FOXN2: variants seen among roughly 807,000 people sequenced by gnomAD.
FOXN2 encodes the protein forkhead box protein N2.
In FOXN2, 19 loss-of-function variants were observed where a neutral mutation model predicts 41.2. The observed-to-expected ratio is 0.46, with a 90% confidence interval of 0.32 to 0.68. The LOEUF is 0.68. FOXN2 is among the 30% of genes least tolerant of loss of function. FOXN2 has a pLI of 0.03. For missense variants in FOXN2, 587 were observed against 509.4 expected, an observed-to-expected ratio of 1.15 and a Z score of -1.47; for synonymous variants, 195 against 176.8, an observed-to-expected ratio of 1.10 and a Z score of -0.82.
intron 2 of FOXN2, among the ~76,000 whole-genome samples, chr2:48,338,180 T>TA (rs948095262): frequency 6.6e-6 from 1 of 152,170 alleles, no homozygotes; most frequent in Non-Finnish European, 1.5e-5. Context: ...ACATGGAAAC[T>TA]AAAAAAAGTT....
intron 2 of FOXN2, 129 bp downstream of exon 2, chr2:48,328,831 G>A (rs780583949): frequency 6.6e-6 from 1 of 151,938 alleles, no homozygotes; most frequent in African/African-American, 2.4e-5. Flanking sequence ...TAAGTAGATG[G>A]GTTTTCTAAG....
At chr2:48,326,151 T>C (rs1462989540) in intron 1 of FOXN2, among the ~76,000 whole-genome samples, 1 of 152,150 alleles carries the variant, frequency 6.6e-6, no homozygotes, top group Admixed American at 6.5e-5. Context: ...TGCCCGGCCT[T>C]CTTCTCCCAA....
chr2:48,332,070 A>C (rs897091481), intron 2 of FOXN2, among the ~76,000 whole-genome samples: 4 of 152,302 alleles, frequency 2.6e-5, no homozygotes, highest in Non-Finnish European at 2.9e-5. Flanking sequence ...AGAATAGTAC[A>C]TTCTAAATTA....
At chr2:48,326,277 T>C (rs1669668318) in intron 1 of FOXN2, among the ~76,000 whole-genome samples, 1 of 152,162 alleles carries the variant, frequency 6.6e-6, no homozygotes, top group Non-Finnish European at 1.5e-5. Context: ...GGAGAAAGCA[T>C]GGTCTATTCA....
intron 3 of FOXN2, among the ~76,000 whole-genome samples, chr2:48,358,091 T>C (rs1256930763): frequency 1.3e-5 from 2 of 152,086 alleles, no homozygotes; most frequent in African/African-American, 4.8e-5. Context: ...AAGGTTTTAT[T>C]CTCTCCTAAA....
chr2:48,328,016 A>T (rs143149205), intron 1 of FOXN2, among the ~76,000 whole-genome samples: 3 of 152,196 alleles, frequency 2.0e-5, no homozygotes, highest in Admixed American at 2.0e-4. Context: ...ATTTCTGATC[A>T]TGAATATACT....
At chr2:48,360,109 C>T (rs180866652) in intron 4 of FOXN2, among the ~76,000 whole-genome samples, 1 of 152,082 alleles carries the variant, frequency 6.6e-6, no homozygotes, top group African/African-American at 2.4e-5. Flanking sequence ...TTTTCAATCC[C>T]AGTAACCCCT....
At chr2:48,321,116 T>C (rs1390923368) in intron 1 of FOXN2, among the ~76,000 whole-genome samples, 1 of 152,194 alleles carries the variant, frequency 6.6e-6, no homozygotes, top group African/African-American at 2.4e-5. Context: ...TCACTACATG[T>C]TATGGTCTGT....
At chr2:48,373,469 T>C (rs1673040178) in intron 6 of FOXN2, 109 bp downstream of exon 6, 1 of 653,958 alleles carries the variant, frequency 1.5e-6, no homozygotes. Context: ...AACCAAATTG[T>C]ATTTTGATCT....
intron 6 of FOXN2, among the ~76,000 whole-genome samples, chr2:48,374,223 G>C (rs929456964): frequency 1.3e-5 from 2 of 152,078 alleles, no homozygotes; most frequent in Non-Finnish European, 2.9e-5. Context: ...CAGTTCAACC[G>C]GAAAGTCAGC....
chr2:48,362,969 T>C (rs1362623329), intron 5 of FOXN2, among the ~76,000 whole-genome samples: 1 of 152,208 alleles, frequency 6.6e-6, no homozygotes, highest in Non-Finnish European at 1.5e-5. Context: ...TACTTGATAA[T>C]GGTAATAAAC....
intron 2 of FOXN2, among the ~76,000 whole-genome samples, chr2:48,342,983 C>G (rs1670872176): frequency 6.6e-6 from 1 of 152,172 alleles, no homozygotes; most frequent in Non-Finnish European, 1.5e-5. Flanking sequence ...AACATACTTG[C>G]AACCATTTAA....
chr2:48,324,078 A>G (rs980592238), intron 1 of FOXN2, among the ~76,000 whole-genome samples: 1 of 152,210 alleles, frequency 6.6e-6, no homozygotes, highest in Admixed American at 6.5e-5. Context: ...GTCATATGTC[A>G]TCAACTATCT....
At chr2:48,341,358 TAG>T (rs1031599966) in intron 2 of FOXN2, among the ~76,000 whole-genome samples, 1 of 152,162 alleles carries the variant, frequency 6.6e-6, no homozygotes, top group African/African-American at 2.4e-5. Context: ...GATCTTTTTG[TAG>T]TAATATTGCA....
At chr2:48,327,239 CA>C (rs2104174820) in intron 1 of FOXN2, among the ~76,000 whole-genome samples, 2 of 150,232 alleles carry the variant, frequency 1.3e-5, no homozygotes, top group East Asian at 3.9e-4. Context: ...AGAAAAAAAA[CA>C]GTCATTTTCT....
At chr2:48,370,246 C>T (rs1041719595) in intron 5 of FOXN2, among the ~76,000 whole-genome samples, 1 of 152,112 alleles carries the variant, frequency 6.6e-6, no homozygotes, top group African/African-American at 2.4e-5. Flanking sequence ...TATGGGCTAG[C>T]GGCTGCAACT....
In FOXN2 at chr2:48,359,958, G is replaced by A. The variant is rs75346616; in HGVS notation, c.638+811G>A. Among the ~76,000 whole-genome samples, 952 of 151,536 alleles carry A rather than the reference G, an allele frequency of 6.3e-3. 6 individuals carry two copies. The highest frequency in any genetic ancestry group is 0.011 in the Non-Finnish European group (717 of 67,856). ...TCTTTTTCTGTTTTAGGTTTTTTTC[G>A]TAGTACTTAATATTTGAAAAGTATG... is the stretch of plus-strand genomic sequence containing the variant. On this transcript the variant is annotated intron_variant, in intron 4 of 6. Transcript: ENST00000340553.
chr2:48,362,478 A>C (rs1672253038), intron 4 of FOXN2, among the ~76,000 whole-genome samples, 165 bp from the exon 5 acceptor site: 1 of 152,160 alleles, frequency 6.6e-6, no homozygotes, highest in South Asian at 2.1e-4. Flanking sequence ...CTAAGGTGGG[A>C]GGATCACCTG....
chr2:48,338,492 C>G (rs1670516453), intron 2 of FOXN2, among the ~76,000 whole-genome samples: 1 of 151,936 alleles, frequency 6.6e-6, no homozygotes, highest in Non-Finnish European at 1.5e-5. Flanking sequence ...AGCTCCGCCT[C>G]CTGGGTTCAC....
Sources: allele counts gnomAD v4.1 joint callset (sites outside exome capture counted in the v4.1 genomes callset), GRCh38; gene constraint gnomAD v4.1.1; transcripts MANE v1.5; gene names NCBI Gene and HGNC (gene_info 2026-07-23, HGNC 2026-07-21).